ADGB: variants seen among roughly 807,000 people sequenced by gnomAD.
The protein encoded by ADGB is calpain-7-like protein.
In ADGB, 172 loss-of-function variants were observed where a neutral mutation model predicts 210.5. The observed-to-expected ratio is 0.82, with a 90% CI of 0.72 to 0.93. ADGB has a LOEUF of 0.93. Among genes scored for constraint, ADGB ranks in the 40% least tolerant of loss-of-function variants. ADGB has a pLI of 0.00. For synonymous variants in ADGB, 658 were observed against 662.7 expected, an observed-to-expected ratio of 0.99 and a Z score of 0.11; for missense variants, 2,025 against 1,964.8, an observed-to-expected ratio of 1.03 and a Z score of -0.58.
rs1281942927 is a variant in ADGB, at chr6:146,691,285, C to T, written c.1481C>T (p.Ala494Val). 1 of 1,542,840 alleles carries T rather than the reference C, an allele frequency of 6.5e-7. No homozygotes were observed. The highest frequency in any genetic ancestry group is 1.4e-5 in the African/African-American group (1 of 71,090). ...AAGGAAACTGTTATAACAGATGAAG[C>T]TCAAGGTATGTATCACATCATCTTC... is the stretch of plus-strand genomic sequence containing the variant. ...QKKETVITDEAQELIVKKPER... is the reference protein window; with the variant it reads ...QKKETVITDEVQELIVKKPER... The change falls in exon 11 of 36, where the codon GCT becomes GTT. Residue 494 changes from alanine to valine, a missense_variant. Physicochemically the swap from Ala to Val is moderately conservative, Grantham distance 64 (BLOSUM62 0). Transcript: ENST00000397944.
chr6:146,806,473 T>C (rs1778213836), intron 35 of ADGB, among the ~76,000 whole-genome samples: 1 of 152,152 alleles, frequency 6.6e-6, no homozygotes, highest in African/African-American at 2.4e-5. Flanking sequence ...TGCAATTGGT[T>C]TAGTCAATCC....
intron 11 of ADGB, among the ~76,000 whole-genome samples, 152 bp downstream of exon 11, chr6:146,691,442 A>AAATATATAAAATAT (rs1554231876): frequency 1.8e-5 from 1 of 55,018 alleles, no homozygotes; most frequent in Non-Finnish European, 2.7e-5. Flanking sequence ...ATATATATAT[A>AAATATATAAAATAT]AAAATATATA....
chr6:146,791,260 GC>G (rs1777950680), intron 33 of ADGB, among the ~76,000 whole-genome samples: 1 of 151,998 alleles, frequency 6.6e-6, no homozygotes, highest in South Asian at 2.1e-4. Context: ...AGAAAATATT[GC>G]CCACACTGAT....
In ADGB at chr6:146,657,189, G is replaced by A. The variant is rs185610498; in HGVS notation, c.612+209G>A. On this transcript the variant is annotated intron_variant, in intron 5 of 35. Coordinates refer to ENST00000397944, the MANE Select transcript of ADGB (RefSeq NM_024694.4). ...AAAAGACAAAAAATTAGCTGGGTAC[G>A]GTGGTGGGTGCCTGTAATCCCACCT... 2.4e-3 allele frequency among the ~76,000 whole-genome samples: 362 copies of A among 152,094 alleles called. 1 individual carries two copies. The highest frequency in any genetic ancestry group is 6.8e-3 in the Middle Eastern group (2 of 294).
In ADGB at chr6:146,632,278, C is replaced by T. The variant is rs1036119189; in HGVS notation, c.75-3097C>T. ...GACCACATTCCTCGGCTTGTGGCCA[C>T]TTTTGTCTATCTTCCAAACCCAGCA... On this transcript the variant is annotated intron_variant, in intron 1 of 35. Coordinates refer to ENST00000397944, the MANE Select transcript of ADGB (RefSeq NM_024694.4). Among the ~76,000 whole-genome samples the T allele has an allele frequency of 1.1e-4, 16 of 152,160 alleles. 1 individual carries two copies. The highest frequency in any genetic ancestry group is 2.9e-5 in the Non-Finnish European group (2 of 68,030).
In ADGB at chr6:146,724,177, A is replaced by T; in HGVS notation, c.2096-9A>T. ...ATCAAACTTTAATACCTTTTTACTTATCTTAAAGCCTTAACAAAAGACAGT... is the reference window on the plus strand; with the variant it reads ...ATCAAACTTTAATACCTTTTTACTTTTCTTAAAGCCTTAACAAAAGACAGT... On this transcript the variant is annotated splice_polypyrimidine_tract_variant and intron_variant, in intron 17 of 35. Transcript: ENST00000397944. 1 of 1,542,370 alleles carries T rather than the reference A, an allele frequency of 6.5e-7. No individual in the cohort carries two copies. Among genetic ancestry groups the T allele is most frequent in the Non-Finnish European group, 8.7e-7 (1 of 1,144,260 alleles).
At chr6:146,722,889 C>T (rs1166854325) in intron 17 of ADGB, among the ~76,000 whole-genome samples, 2 of 152,182 alleles carry the variant, frequency 1.3e-5, no homozygotes, top group Non-Finnish European at 2.9e-5. Context: ...CATACACACG[C>T]ACACACAGGC....
rs1583562586 is a variant in ADGB, at chr6:146,621,641, A to G, written c.75-13734A>G. On this transcript the variant is annotated intron_variant, in intron 1 of 35. Coordinates refer to ENST00000397944, the MANE Select transcript of ADGB (RefSeq NM_024694.4). ...TCTACTTTCCCTCTGTGCTCTGGTG[A>G]ATTTAGGGAGATATTCTTGTCTTTT... Among the ~76,000 whole-genome samples the G allele has an allele frequency of 3.9e-5, 6 of 152,182 alleles. 1 individual carries two copies. Among genetic ancestry groups the G allele is most frequent in the Admixed American group, 3.9e-4 (6 of 15,278 alleles).
intron 3 of ADGB, among the ~76,000 whole-genome samples, chr6:146,650,748 T>C (rs1775690126): frequency 6.6e-6 from 1 of 151,812 alleles, no homozygotes; most frequent in African/African-American, 2.4e-5. Flanking sequence ...ATTGAGACCA[T>C]TTCAAAGCAC....
At position 146,672,451 on chromosome 6, in the gene ADGB, C is replaced by A; in HGVS notation, c.1071C>A (p.Ser357Arg). ...CAACACTAAAGGCTCCTGAGAAAAGCGACAAAGTTCCAAAGGGTAAGATAT... is the reference window on the plus strand; with the variant it reads ...CAACACTAAAGGCTCCTGAGAAAAGAGACAAAGTTCCAAAGGGTAAGATAT... ...SLTTLKAPEK[S>R]DKVPKEKADA... Residue 357 changes from serine to arginine, a missense_variant, in exon 8 of 36, where the codon AGC (serine) becomes AGA (arginine). By Grantham distance (110) the Ser-to-Arg change is moderately radical. Transcript: ENST00000397944. 1 of 1,543,162 alleles carries A rather than the reference C, an allele frequency of 6.5e-7. No homozygotes were observed. Among genetic ancestry groups the A allele is most frequent in the South Asian group, 1.2e-5 (1 of 82,152 alleles).
intron 5 of ADGB, among the ~76,000 whole-genome samples, 167 bp from the exon 6 acceptor site, chr6:146,664,034 A>G (rs985001161): frequency 3.3e-5 from 5 of 152,130 alleles, no homozygotes; most frequent in Non-Finnish European, 5.9e-5. Context: ...ATAAGCTAAC[A>G]TATTCAACCA....
intron 33 of ADGB, among the ~76,000 whole-genome samples, chr6:146,796,347 C>G (rs1393750211): frequency 2.6e-5 from 4 of 151,994 alleles, no homozygotes; most frequent in Non-Finnish European, 5.9e-5. Flanking sequence ...AAAAACAATC[C>G]AAAAATTCAT....
rs1355660343 is a variant in ADGB, at chr6:146,631,978, AC to A, written c.75-3396del. On this transcript the variant is annotated intron_variant, in intron 1 of 35. Transcript: ENST00000397944. ...ATCTCCTCATTAAAAAAAAAAAAAA[AC>A]AAAAAAAACCTTCACTTGGTTTCCA... 5.3e-3 allele frequency among the ~76,000 whole-genome samples: 801 copies of A among 149,876 alleles called. 5 individuals carry two copies. The highest frequency in any genetic ancestry group is 0.018 in the African/African-American group (748 of 40,510).
intron 1 of ADGB, among the ~76,000 whole-genome samples, chr6:146,618,986 A>T (rs760276360): frequency 1.3e-5 from 2 of 149,562 alleles, no homozygotes; most frequent in Non-Finnish European, 3.0e-5. Context: ...ATTGCTGTCC[A>T]TTTCTCCCTC....
At chr6:146,688,166 A>C (rs1213666486) in intron 10 of ADGB, among the ~76,000 whole-genome samples, 1 of 152,144 alleles carries the variant, frequency 6.6e-6, no homozygotes, top group African/African-American at 2.4e-5. Context: ...GAAGGCAGAC[A>C]ACTGAGTGAA....
intron 2 of ADGB, among the ~76,000 whole-genome samples, chr6:146,640,596 G>T (rs1775497635): frequency 6.6e-6 from 1 of 151,984 alleles, no homozygotes; most frequent in African/African-American, 2.4e-5. Flanking sequence ...AGGATGCAAG[G>T]TTGGCTCAAC....
intron 27 of ADGB, among the ~76,000 whole-genome samples, chr6:146,758,034 G>A (rs1411853647): frequency 6.6e-6 from 1 of 152,056 alleles, no homozygotes; most frequent in Non-Finnish European, 1.5e-5. Context: ...CAAAGCTGTA[G>A]TACTTTCAGT....
At chr6:146,714,804 T>C (rs1776709690) in intron 13 of ADGB, among the ~76,000 whole-genome samples, 1 of 152,228 alleles carries the variant, frequency 6.6e-6, no homozygotes, top group South Asian at 2.1e-4. Flanking sequence ...CTTTACATAA[T>C]TTTTAAAATA....
rs536796694 is a variant in ADGB, at chr6:146,815,032, G to C, written c.4819G>C (p.Asp1607His). ...TGTTTGGGGTTTTGCTTTGGAACAG[G>C]ACTCCTTAGATGAAGCCCGACAGAA... ...EVLDMYKEMQ[D>H]SLDEARQKIF... The change falls in exon 36 of 36, where the codon GAC becomes CAC. Residue 1607 changes from aspartate (D) to histidine (H), a missense_variant and splice_region_variant. Coordinates refer to ENST00000397944, the MANE Select transcript of ADGB (RefSeq NM_024694.4). The C allele has an allele frequency of 9.1e-6, 14 of 1,537,444 alleles. No homozygotes were observed. The highest frequency in any genetic ancestry group is 1.2e-5 in the Non-Finnish European group (14 of 1,143,574).
Sources: gnomAD v4.1 joint callset for allele counts (sites outside exome capture counted in the v4.1 genomes callset) on GRCh38, gnomAD v4.1.1 for gene constraint, MANE v1.5 for transcripts, NCBI Gene and HGNC (gene_info 2026-07-23, HGNC 2026-07-21) for gene names.